Variants in DSCAM observed in about 807,000 individuals in gnomAD.
DSCAM encodes cell adhesion molecule DSCAM.
DSCAM carries 47 observed loss-of-function variants against 217.7 expected under a neutral mutation model. That is an observed-to-expected ratio of 0.22 (90% CI 0.17 to 0.28). The LOEUF (loss-of-function observed/expected upper bound fraction) is 0.28. DSCAM is among the 10% of genes least tolerant of loss of function. DSCAM has a pLI of 1.00. For missense variants in DSCAM, 2,080 were observed against 2,618.3 expected (o/e 0.79, Z 4.49); for synonymous variants, 1,056 against 1,015.3 (o/e 1.04, Z -0.76).
At chr21:40,268,271 T>A (rs1247642358) in intron 11 of DSCAM, among the ~76,000 whole-genome samples, 1 of 152,186 alleles carries the variant, frequency 6.6e-6, no homozygotes, top group Non-Finnish European at 1.5e-5. Flanking sequence ...TTCTTGACAC[T>A]AGGGAGCATT....
At chr21:40,588,365 G>A (rs544109085) in intron 3 of DSCAM, among the ~76,000 whole-genome samples, 1 of 152,270 alleles carries the variant, frequency 6.6e-6, no homozygotes, top group African/African-American at 2.4e-5. Context: ...AATGTCACAT[G>A]GTTAATATCA....
intron 16 of DSCAM, among the ~76,000 whole-genome samples, chr21:40,147,581 A>G (rs769567216): frequency 1.3e-5 from 2 of 152,202 alleles, no homozygotes; most frequent in Non-Finnish European, 2.9e-5. Flanking sequence ...GTGTGGAATA[A>G]TTATCTCATT....
At chr21:40,644,118 C>T (rs933032569) in intron 3 of DSCAM, among the ~76,000 whole-genome samples, 7 of 152,124 alleles carry the variant, frequency 4.6e-5, no homozygotes, top group Admixed American at 1.3e-4. Flanking sequence ...TTCAGAACTC[C>T]GCCTAGAGAA....
intron 3 of DSCAM, among the ~76,000 whole-genome samples, chr21:40,506,061 CT>C (rs1206519659): frequency 2.6e-5 from 4 of 152,156 alleles, no homozygotes; most frequent in Admixed American, 2.6e-4. Context: ...CTGACTTGTG[CT>C]TTTTTCCAGA....
intron 1 of DSCAM, among the ~76,000 whole-genome samples, chr21:40,786,965 C>A (rs2091599604): frequency 6.6e-6 from 1 of 152,144 alleles, no homozygotes; most frequent in Non-Finnish European, 1.5e-5. Flanking sequence ...TGCAAACTTG[C>A]CAACTGGGAA....
At chr21:40,279,997 A>T (rs914817205) in intron 10 of DSCAM, among the ~76,000 whole-genome samples, 1 of 152,042 alleles carries the variant, frequency 6.6e-6, no homozygotes, top group African/African-American at 2.4e-5. Flanking sequence ...GCATTAGGAC[A>T]AATACCTAAT....
Position 40,278,738 on chromosome 21 carries a change from GGAGGAGGAGGAGGAA to G in DSCAM, c.2183-2483_2183-2469del, listed in dbSNP as rs1292540157. 2.0e-5 allele frequency among the ~76,000 whole-genome samples: 3 copies of G among 151,932 alleles called. No individual in the cohort carries two copies. The South Asian group carries it at 6.3e-4, about 32-fold the overall frequency. On this transcript the variant is annotated intron_variant, in intron 10 of 32. Transcript: ENST00000400454. Reference sequence around the variant, plus strand: ...AACAAGTGGAAGAGGAGGAAGAGAAGGAGGAGGAGGAGGAAGAGGAGGAGGAGGAGTCTTCAAAAA... The same window carrying G: ...AACAAGTGGAAGAGGAGGAAGAGAAGGAGGAGGAGGAGGAGTCTTCAAAAA...
intron 3 of DSCAM, among the ~76,000 whole-genome samples, chr21:40,597,617 C>G (rs2077031691): frequency 6.7e-6 from 1 of 148,946 alleles, no homozygotes; most frequent in Non-Finnish European, 1.5e-5. Context: ...AGCTATTCTT[C>G]CCCCTCAGCC....
chr21:40,529,150 C>T (rs1481435306), intron 3 of DSCAM, among the ~76,000 whole-genome samples: 4 of 151,970 alleles, frequency 2.6e-5, no homozygotes, highest in South Asian at 2.1e-4. Context: ...GTGATCCGCC[C>T]TCCTCAGCCT....
chr21:40,529,032 T>C (rs1413148452), intron 3 of DSCAM, among the ~76,000 whole-genome samples: 1 of 151,266 alleles, frequency 6.6e-6, no homozygotes, highest in Non-Finnish European at 1.5e-5. Flanking sequence ...GCCTCCTGAG[T>C]AGCTGGGACT....
chr21:40,211,898 A>G (rs553578029), intron 11 of DSCAM, among the ~76,000 whole-genome samples: 4 of 152,124 alleles, frequency 2.6e-5, no homozygotes, highest in African/African-American at 9.6e-5. Context: ...ATTGTTGGCA[A>G]ATAGTAGCTG....
chr21:40,669,735 C>T (rs1032042394), intron 3 of DSCAM, among the ~76,000 whole-genome samples: 5 of 152,020 alleles, frequency 3.3e-5, no homozygotes, highest in East Asian at 3.9e-4. Flanking sequence ...TGTGCCACCA[C>T]GCCTGGTTAA....
chr21:40,226,311 T>C (rs974130293), intron 11 of DSCAM, among the ~76,000 whole-genome samples: 1 of 152,212 alleles, frequency 6.6e-6, no homozygotes, highest in African/African-American at 2.4e-5. Context: ...TATTTATTAC[T>C]TGGTAGACAA....
In DSCAM at chr21:40,419,400, A is replaced by G. The variant is rs139616536; in HGVS notation, c.509-50155T>C. Among the ~76,000 whole-genome samples the G allele has an allele frequency of 5.9e-3, 900 of 152,322 alleles. 14 individuals are homozygous for G. Among genetic ancestry groups the G allele is most frequent in the African/African-American group, 0.021 (858 of 41,570 alleles). On this transcript the variant is annotated intron_variant, in intron 3 of 32. Transcript: ENST00000400454. ...GAAATAATTCTGAAACATATATCAA[A>G]GAATTTTGAAATATAGGGGTAAAGA... is the stretch of plus-strand genomic sequence containing the variant.
chr21:40,799,547 C>T (rs1205021724), intron 1 of DSCAM, among the ~76,000 whole-genome samples: 1 of 152,184 alleles, frequency 6.6e-6, no homozygotes, highest in Admixed American at 6.5e-5. Context: ...CAGAACTAAA[C>T]TCAAGATATA....
chr21:40,162,611 T>C (rs2090551543), intron 16 of DSCAM, among the ~76,000 whole-genome samples: 1 of 152,228 alleles, frequency 6.6e-6, no homozygotes. Flanking sequence ...TTATTGGGTA[T>C]AGTGGAGATG....
At chr21:40,381,062 CA>C (rs71186932) in intron 3 of DSCAM, among the ~76,000 whole-genome samples, 2,167 of 66,118 alleles carry the variant, frequency 0.033, 22 homozygotes, top group African/African-American at 0.12. Flanking sequence ...GACTCCGTCT[CA>C]AAAAAAAAAA....
intron 3 of DSCAM, among the ~76,000 whole-genome samples, chr21:40,512,067 C>T (rs1280958215): frequency 2.0e-5 from 3 of 149,404 alleles, no homozygotes; most frequent in African/African-American, 5.0e-5. Flanking sequence ...AAAGCTTTCT[C>T]CAATGAGAAA....
chr21:40,833,254 C>T (rs546393138), intron 1 of DSCAM, among the ~76,000 whole-genome samples: 11 of 152,272 alleles, frequency 7.2e-5, no homozygotes, highest in African/African-American at 2.2e-4. Flanking sequence ...TTTCTAGCTA[C>T]GGTTTCAATA....
Sources: allele counts gnomAD v4.1 joint callset (sites outside exome capture counted in the v4.1 genomes callset), GRCh38; gene constraint gnomAD v4.1.1; transcripts MANE v1.5; gene names NCBI Gene and HGNC (gene_info 2026-07-23, HGNC 2026-07-21).